The following PCDHGA6 variants were observed in gnomAD, a reference collection of about 807,000 sequenced individuals.
The protein encoded by PCDHGA6 is protocadherin gamma-A6.
PCDHGA6 carries 41 observed loss-of-function variants against 60.6 expected under a neutral mutation model. The ratio of observed to expected loss-of-function variants is 0.68; its 90% CI spans 0.53 to 0.88. The LOEUF (loss-of-function observed/expected upper bound fraction) is 0.88, where lower values mean the gene tolerates loss of function less well. Among genes scored for constraint, PCDHGA6 ranks in the 40% least tolerant of loss-of-function variants. PCDHGA6 has a pLI of 0.00. For synonymous variants in PCDHGA6, 594 were observed against 524.4 expected (o/e 1.13, Z -1.81); for missense variants, 1,312 against 1,203.0 (o/e 1.09, Z -1.34).
chr5:141,386,913 A>T lies in PCDHGA6; in HGVS notation c.2424+10406A>T, dbSNP rs575520734. On this transcript the variant is annotated intron_variant, in intron 1 of 3. Coordinates refer to ENST00000517434, the MANE Select transcript of PCDHGA6 (RefSeq NM_018919.3). ...TCCTTCAATTCAGAGGTCACCAAGG[A>T]ATGTAAAATAAGTGCAGAGGTAGGA... Among the ~76,000 whole-genome samples the T allele has an allele frequency of 1.0e-3, 156 of 152,358 alleles. 1 individual carries two copies. The Middle Eastern group carries it at 0.017, about 17-fold the overall frequency.
intron 2 of PCDHGA6, among the ~76,000 whole-genome samples, chr5:141,504,402 G>A (rs2099837969): frequency 6.6e-6 from 1 of 152,170 alleles, no homozygotes; most frequent in Admixed American, 6.6e-5. Context: ...AGCCAGTGTG[G>A]TGGAGGAACA....
intron 1 of PCDHGA6, among the ~76,000 whole-genome samples, chr5:141,401,846 A>G (rs1168982151): frequency 6.6e-6 from 1 of 152,216 alleles, no homozygotes; most frequent in Non-Finnish European, 1.5e-5. Context: ...AATACCACTT[A>G]CTTTTAACCT....
chr5:141,395,077 AG>A lies in PCDHGA6; in HGVS notation c.2424+18572del, dbSNP rs747226962. 4.3e-6 allele frequency: 7 copies of A among 1,614,024 alleles called. No individual in the cohort carries two copies. The African/African-American group carries it at 9.3e-5, about 22-fold the overall frequency. On this transcript the variant is annotated intron_variant, in intron 1 of 3. Transcript: ENST00000517434. ...CAGGCTTTCCTGCAGACCTATTCCC[AG>A]GAAGTCTCCCTCACCGCCGACTCGC...
At chr5:141,415,095 C>A (rs1045755927) in intron 1 of PCDHGA6, 2 of 1,613,466 alleles carry the variant, frequency 1.2e-6, no homozygotes, top group East Asian at 2.2e-5. Flanking sequence ...TGGACAGAGA[C>A]GCGCTCAAGC....
Position 141,490,876 on chromosome 5 carries a change from G to T in PCDHGA6, c.2425-3931G>T. On this transcript the variant is annotated intron_variant, in intron 1 of 3. Coordinates refer to ENST00000517434, the MANE Select transcript of PCDHGA6 (RefSeq NM_018919.3). The surrounding 1 kb of genome is among the most constrained non-coding windows in gnomAD (Gnocchi z 5.4). Reference sequence around the variant, plus strand: ...AGACTCCGGCTCTCCCCCATTGCATGCCAACACATCTCTGCATGTGTTTGT... The same window carrying T: ...AGACTCCGGCTCTCCCCCATTGCATTCCAACACATCTCTGCATGTGTTTGT... 6.2e-7 allele frequency: 1 copy of T among 1,613,840 alleles called. No homozygotes were observed. The highest frequency in any genetic ancestry group is 8.5e-7 in the Non-Finnish European group (1 of 1,179,894).
At chr5:141,451,957 A>C (rs1019378263) in intron 1 of PCDHGA6, among the ~76,000 whole-genome samples, 3 of 152,202 alleles carry the variant, frequency 2.0e-5, no homozygotes, top group African/African-American at 7.2e-5. Context: ...AGAAAGTGAC[A>C]TACCATCATT....
chr5:141,459,117 T>A (rs1489347692), intron 1 of PCDHGA6, among the ~76,000 whole-genome samples: 1 of 152,224 alleles, frequency 6.6e-6, no homozygotes, highest in Non-Finnish European at 1.5e-5. Flanking sequence ...GACAATTGTT[T>A]ACATCTGTGT....
At chr5:141,500,667 TC>T (rs1032555959) in intron 2 of PCDHGA6, among the ~76,000 whole-genome samples, 26 of 152,194 alleles carry the variant, frequency 1.7e-4, no homozygotes, top group African/African-American at 6.0e-4. Flanking sequence ...GGCCATACTG[TC>T]CAACAGAATT....
chr5:141,398,241 C>G, intron 1 of PCDHGA6: 1 of 1,474,150 alleles, frequency 6.8e-7, no homozygotes, highest in South Asian at 1.2e-5. Context: ...ACAGGATTCC[C>G]GAGGAAATGC....
intron 1 of PCDHGA6, among the ~76,000 whole-genome samples, chr5:141,454,204 T>G (rs1161344350): frequency 3.3e-5 from 5 of 152,170 alleles, no homozygotes; most frequent in Non-Finnish European, 1.5e-5. Context: ...GTGAATTTAT[T>G]GACATGAATG....
intron 1 of PCDHGA6, chr5:141,492,005 C>A (rs1444993907): frequency 3.1e-6 from 2 of 642,268 alleles, no homozygotes; most frequent in African/African-American, 3.8e-5. Flanking sequence ...GGGCGATTTC[C>A]GCGGGTGTCG....
chr5:141,424,052 G>A, intron 1 of PCDHGA6: 1 of 1,012,010 alleles, frequency 9.9e-7, no homozygotes, highest in South Asian at 4.7e-5. Flanking sequence ...CAATTTTGCT[G>A]TGCCTTCACT....
Position 141,491,968 on chromosome 5 carries a change from G to GC in PCDHGA6, c.2425-2837dup. On this transcript the variant is annotated intron_variant, in intron 1 of 3. Coordinates refer to ENST00000517434, the MANE Select transcript of PCDHGA6 (RefSeq NM_018919.3). The surrounding 1 kb of genome is among the most constrained non-coding windows in gnomAD (Gnocchi z 6.9). ...ACCCCTACACTCAAAAAAGGCCGGG[G>GC]CCTCCTTCGAGCTTCCGGTGAATTT... 1.1e-6 allele frequency: 1 copy of GC among 923,644 alleles called. No homozygotes were observed. Among genetic ancestry groups the GC allele is most frequent in the Admixed American group, 3.6e-5 (1 of 27,548 alleles). 57.2% of individuals were successfully genotyped at this position (923,644 alleles called of 1,614,324 possible).
At chr5:141,403,579 C>T in intron 1 of PCDHGA6, 2 of 1,613,926 alleles carry the variant, frequency 1.2e-6, no homozygotes, top group South Asian at 1.1e-5. Flanking sequence ...CTGCCCACCA[C>T]CTGGTCCTCA....
At chr5:141,384,163 C>G (rs535530763) in intron 1 of PCDHGA6, 2 of 1,613,658 alleles carry the variant, frequency 1.2e-6, no homozygotes, top group African/African-American at 1.3e-5. Context: ...TAACATCACA[C>G]TGAAAGCCAC....
chr5:141,439,800 T>C (rs1393580217), intron 1 of PCDHGA6: 1 of 152,300 alleles, frequency 6.6e-6, no homozygotes, highest in Admixed American at 6.5e-5. Context: ...CAAGAAGAGT[T>C]TGAAAAGGGG....
Position 141,476,990 on chromosome 5 carries a change from C to T in PCDHGA6, c.2425-17817C>T, listed in dbSNP as rs2099402882. ...CGGCAGCCACAACCGCGCCGGCGTGCGGCAACTATTCGCCTTAGACCTTGT... is the reference window on the plus strand; with the variant it reads ...CGGCAGCCACAACCGCGCCGGCGTGTGGCAACTATTCGCCTTAGACCTTGT... On this transcript the variant is annotated intron_variant, in intron 1 of 3. Coordinates refer to ENST00000517434, the MANE Select transcript of PCDHGA6 (RefSeq NM_018919.3). The surrounding 1 kb of genome is among the most constrained non-coding windows in gnomAD (Gnocchi z 7.6). 6.2e-7 allele frequency: 1 copy of T among 1,614,220 alleles called. No individual in the cohort carries two copies. The highest frequency in any genetic ancestry group is 8.5e-7 in the Non-Finnish European group (1 of 1,180,046).
rs151037104 is a variant in PCDHGA6, at chr5:141,393,242, C to G, written c.2424+16735C>G. 3 of 1,613,778 alleles carry G rather than the reference C, an allele frequency of 1.9e-6. 1 individual carries two copies. The East Asian group carries it at 6.7e-5, about 36-fold the overall frequency. ...TCGAAGATCTAGAAGTAAAAATTAA[C>G]GAAATCGCGGTTCCTGGAGCACGTT... On this transcript the variant is annotated intron_variant, in intron 1 of 3. Coordinates refer to ENST00000517434, the MANE Select transcript of PCDHGA6 (RefSeq NM_018919.3).
intron 1 of PCDHGA6, among the ~76,000 whole-genome samples, chr5:141,492,922 T>C (rs1191111432): frequency 1.3e-5 from 2 of 152,194 alleles, no homozygotes; most frequent in Non-Finnish European, 2.9e-5. Context: ...TGCCCAGCGA[T>C]CTAGGGTCAG....
Sources: gnomAD v4.1 joint callset for allele counts (sites outside exome capture counted in the v4.1 genomes callset) on GRCh38, gnomAD v4.1.1 for gene constraint, Gnocchi (gnomAD v3.1) non-coding constraint, MANE v1.5 for transcripts, NCBI Gene and HGNC (gene_info 2026-07-23, HGNC 2026-07-21) for gene names.